Variants in TMEM131 observed in about 807,000 individuals in gnomAD.
TMEM131 encodes 2610524E03Rik.
In TMEM131, 66 loss-of-function variants were observed where a neutral mutation model predicts 211.6. The observed-to-expected ratio is 0.31, with a 90% CI of 0.26 to 0.38. TMEM131 has a LOEUF of 0.38. TMEM131 is among the 10% of genes least tolerant of loss of function. The probability of loss-of-function intolerance (pLI) is 1.00; values close to 1 mark genes in which losing one functional copy is unlikely to be tolerated. For synonymous variants in TMEM131, 844 were observed against 841.3 expected (o/e 1.00, Z -0.06); for missense variants, 2,036 against 2,299.3 (o/e 0.89, Z 2.34).
At position 97,761,185 on chromosome 2, in the gene TMEM131, G is replaced by A. The variant is rs1260824931; in HGVS notation, c.4890-271C>T. The A allele has an allele frequency of 2.6e-5, 9 of 347,010 alleles. No individual in the cohort carries two copies. In the East Asian group the frequency reaches 3.2e-4, roughly 12 times the overall value. The allele number at this position is 347,010 out of a possible 1,614,324, so 21.5% of individuals were successfully genotyped here. A position where few individuals can be genotyped will look rare whatever the true frequency, so the allele number is the denominator to read the frequency against. Reference sequence around the variant, plus strand: ...CAATTTAGGGACTGGCAGAGGCTTCGATCACACTTTTGTGAAGAATGCTAG... The same window carrying A: ...CAATTTAGGGACTGGCAGAGGCTTCAATCACACTTTTGTGAAGAATGCTAG... On this transcript the variant is annotated intron_variant, in intron 36 of 40. Transcript: ENST00000186436.
chr2:97,963,868 G>A (rs1678927265), intron 1 of TMEM131, among the ~76,000 whole-genome samples: 1 of 152,020 alleles, frequency 6.6e-6, no homozygotes, highest in Admixed American at 6.6e-5. Context: ...TTTCTTCTAT[G>A]CAAATGCATA....
chr2:97,771,208 A>G (rs1266196628), intron 33 of TMEM131, among the ~76,000 whole-genome samples: 2 of 152,232 alleles, frequency 1.3e-5, no homozygotes, highest in African/African-American at 2.4e-5. Flanking sequence ...TTGCCACAAA[A>G]GAGTAAATTT....
intron 2 of TMEM131, among the ~76,000 whole-genome samples, chr2:97,915,165 C>T (rs1041907673): frequency 1.4e-4 from 22 of 152,138 alleles, no homozygotes; most frequent in African/African-American, 4.8e-4. Context: ...GTGCTCATCT[C>T]TTTTCCCTGT....
Position 97,766,212 on chromosome 2 carries a change from G to A in TMEM131, c.4625C>T (p.Pro1542Leu), listed in dbSNP as rs775635959. Residue 1542 changes from proline to leucine, a missense_variant, in exon 35 of 41, where the codon CCG becomes CTG. Coordinates refer to ENST00000186436, the MANE Select transcript of TMEM131 (RefSeq NM_015348.2). ...GGTGTTGCCTAATTCTTGACTATTC[G>A]GGAGGAATTTTGCTAGGGCAGGTGG... ...NRPPALAKFL[P>L]NSQELGNTSS... The A allele has an allele frequency of 2.8e-5, 45 of 1,613,866 alleles. No homozygotes were observed. In the South Asian group the frequency reaches 3.2e-4, roughly 11 times the overall value.
chr2:97,898,429 C>T (rs1205170787), intron 3 of TMEM131, among the ~76,000 whole-genome samples: 2 of 152,068 alleles, frequency 1.3e-5, no homozygotes, highest in Non-Finnish European at 2.9e-5. Context: ...GAGACAGGGT[C>T]TATAAGCAGG....
chr2:97,926,163 T>C (rs949778397), intron 2 of TMEM131, among the ~76,000 whole-genome samples: 10 of 151,966 alleles, frequency 6.6e-5, no homozygotes, highest in Non-Finnish European at 1.2e-4. Flanking sequence ...TGTACATGAA[T>C]TGCAGATCTA....
intron 1 of TMEM131, among the ~76,000 whole-genome samples, chr2:97,994,335 C>T (rs765967174): frequency 1.7e-4 from 26 of 152,134 alleles, no homozygotes; most frequent in Non-Finnish European, 3.5e-4. Flanking sequence ...TAATTTCCAC[C>T]AATGTTAACT....
intron 4 of TMEM131, among the ~76,000 whole-genome samples, chr2:97,879,850 T>C (rs1028067078): frequency 1.1e-4 from 16 of 151,452 alleles, no homozygotes; most frequent in Middle Eastern, 3.5e-3. Flanking sequence ...TGGTCAAAAG[T>C]AGGCTATTAG....
intron 4 of TMEM131, among the ~76,000 whole-genome samples, chr2:97,867,209 T>C (rs547773564): frequency 2.0e-5 from 3 of 152,332 alleles, no homozygotes; most frequent in Admixed American, 2.0e-4. Flanking sequence ...AGTTGGTTTA[T>C]ACTTTTTCCA....
At chr2:97,962,916 GT>G (rs1336789200) in intron 1 of TMEM131, among the ~76,000 whole-genome samples, 1 of 152,204 alleles carries the variant, frequency 6.6e-6, no homozygotes, top group African/African-American at 2.4e-5. Flanking sequence ...ACTGCATGTA[GT>G]ATGATTCCAT....
In TMEM131 at chr2:97,793,560, G is replaced by C. The variant is rs374793587; in HGVS notation, c.3387-7C>G. 52 of 1,588,434 alleles carry C rather than the reference G, an allele frequency of 3.3e-5. No homozygotes were observed. The African/African-American group carries it at 5.7e-4, about 17-fold the overall frequency. The stretch of plus-strand genomic sequence containing the variant: ...GACCAAAAGAAACAGTGCACTGCAG[G>C]GGTAAAAAAAATTGGAAAATCAGGA... On this transcript the variant is annotated splice_region_variant and splice_polypyrimidine_tract_variant and intron_variant, in intron 29 of 40. Transcript: ENST00000186436.
chr2:97,780,120 GT>G (rs1162317468), intron 31 of TMEM131, among the ~76,000 whole-genome samples: 2 of 152,098 alleles, frequency 1.3e-5, no homozygotes, highest in African/African-American at 4.8e-5. Flanking sequence ...TTCTATCCAG[GT>G]TTATCAGAGA....
chr2:97,989,595 TTAAG>T (rs1680174612), intron 1 of TMEM131, among the ~76,000 whole-genome samples: 1 of 152,200 alleles, frequency 6.6e-6, no homozygotes, highest in African/African-American at 2.4e-5. Flanking sequence ...ATAAAAATGG[TTAAG>T]TATTTTGTTA....
At chr2:97,979,847 G>A (rs183138295) in intron 1 of TMEM131, among the ~76,000 whole-genome samples, 7 of 152,294 alleles carry the variant, frequency 4.6e-5, no homozygotes, top group East Asian at 3.9e-4. Flanking sequence ...TGTTTGGTAC[G>A]AGAGGCCTAG....
intron 31 of TMEM131, among the ~76,000 whole-genome samples, chr2:97,784,877 T>G (rs1235086086): frequency 6.6e-6 from 1 of 151,532 alleles, no homozygotes; most frequent in East Asian, 1.9e-4. Context: ...CCCCAAAAAA[T>G]GAACAAAAAT....
At chr2:97,834,946 A>AATGT (rs1682871576) in intron 8 of TMEM131, 21 bp from the exon 9 acceptor site, 1 of 1,612,122 alleles carries the variant, frequency 6.2e-7, no homozygotes, top group African/African-American at 1.3e-5. Flanking sequence ...AACAGACCAT[A>AATGT]ATGTAGCACA....
At chr2:97,950,748 G>A (rs1678274748) in intron 1 of TMEM131, among the ~76,000 whole-genome samples, 1 of 151,998 alleles carries the variant, frequency 6.6e-6, no homozygotes, top group African/African-American at 2.4e-5. Context: ...TACCACATCT[G>A]CATTCTGGTT....
chr2:97,857,474 A>G (rs7574437), intron 5 of TMEM131, among the ~76,000 whole-genome samples: 114,114 of 152,174 alleles, frequency 0.75, 44,452 homozygotes, highest in African/African-American at 0.87. Flanking sequence ...GTGAAGCTTG[A>G]AGTGTTCAGA....
chr2:97,759,470 C>T (rs1678699980), intron 39 of TMEM131, 182 bp downstream of exon 39: 2 of 594,390 alleles, frequency 3.4e-6, no homozygotes, highest in Non-Finnish European at 3.0e-6. Flanking sequence ...TGGTCCACTG[C>T]CCCTCTGGGC....
Sources: gnomAD v4.1 joint callset for allele counts (sites outside exome capture counted in the v4.1 genomes callset) on GRCh38, gnomAD v4.1.1 for gene constraint, MANE v1.5 for transcripts, NCBI Gene and HGNC (gene_info 2026-07-23, HGNC 2026-07-21) for gene names.